VPS8: variants seen among roughly 807,000 people sequenced by gnomAD.
VPS8 encodes the protein vacuolar protein sorting-associated protein 8 homolog.
Under a neutral mutation model 216.4 loss-of-function variants are expected in VPS8, and 129 were observed. The observed-to-expected ratio is 0.60, with a 90% confidence interval of 0.52 to 0.69. The LOEUF (loss-of-function observed/expected upper bound fraction) is 0.69, where lower values mean the gene tolerates loss of function less well. VPS8 is among the 30% of genes least tolerant of loss of function. The probability of loss-of-function intolerance (pLI) is 0.00; values close to 1 mark genes in which losing one functional copy is unlikely to be tolerated. For synonymous variants in VPS8, 571 were observed against 565.4 expected (o/e 1.01, Z -0.14); for missense variants, 1,531 against 1,683.5 (o/e 0.91, Z 1.59).
Position 184,885,945 on chromosome 3 carries a change from T to C in VPS8, c.1735-165T>C, listed in dbSNP as rs1370163811. 9.8e-6 allele frequency: 6 copies of C among 609,554 alleles called. No homozygotes were observed. The East Asian group carries it at 1.1e-4, about 12-fold the overall frequency. 37.8% of individuals were successfully genotyped at this position (609,554 alleles called of 1,614,324 possible). Reference sequence around the variant, plus strand: ...AAATAGAATTACTAGGTCAAAATGTTCTGTTTTTCAGACTTTGACACATAA... The same window carrying C: ...AAATAGAATTACTAGGTCAAAATGTCCTGTTTTTCAGACTTTGACACATAA... On this transcript the variant is annotated intron_variant, in intron 21 of 47. Transcript: ENST00000625842.
intron 13 of VPS8, among the ~76,000 whole-genome samples, chr3:184,855,087 A>T (rs1397483626): frequency 6.6e-6 from 1 of 152,106 alleles, no homozygotes; most frequent in Non-Finnish European, 1.5e-5. Context: ...CATTTGTTAG[A>T]TTAGCTTCAT....
rs1212007145 is a variant in VPS8 at position 184,894,772 on chromosome 3, G to A, written c.1851G>A (p.Glu617=). The A allele has an allele frequency of 1.2e-6, 2 of 1,609,640 alleles. No individual in the cohort carries two copies. Among genetic ancestry groups the A allele is most frequent in the South Asian group, 1.1e-5 (1 of 90,186 alleles). The change falls in exon 23 of 48, where the codon GAG becomes GAA. Residue 617 remains glutamate (E), a synonymous_variant. Coordinates refer to ENST00000625842, the MANE Select transcript of VPS8 (RefSeq NM_001009921.3). ...ENSVAKGVFL[E]CLEPYILSDK... ...CAGTGGCCAAAGGAGTATTTTTGGAGTGCCTTGAGCCATATATTTTAAGTG... is the reference window on the plus strand; with the variant it reads ...CAGTGGCCAAAGGAGTATTTTTGGAATGCCTTGAGCCATATATTTTAAGTG...
intron 5 of VPS8, among the ~76,000 whole-genome samples, chr3:184,837,573 C>CT (rs1721342939): frequency 6.6e-6 from 1 of 152,212 alleles, no homozygotes; most frequent in African/African-American, 2.4e-5. Context: ...ATAGATGCTG[C>CT]TATCCAGAGC....
chr3:184,819,430 T>C (rs889765194), intron 1 of VPS8, among the ~76,000 whole-genome samples: 1 of 152,200 alleles, frequency 6.6e-6, no homozygotes. Context: ...GAAGAACTAG[T>C]TGTAGAATTG....
In VPS8 at chr3:184,868,974, G is replaced by A. The variant is rs749363630; in HGVS notation, c.1535G>A (p.Cys512Tyr). 1 of 1,610,444 alleles carries A rather than the reference G, an allele frequency of 6.2e-7. No individual in the cohort carries two copies. The highest frequency in any genetic ancestry group is 8.5e-7 in the Non-Finnish European group (1 of 1,178,508). The change falls in exon 19 of 48, where the codon TGT becomes TAT. Residue 512 changes from cysteine (C) to tyrosine (Y), a missense_variant. Transcript: ENST00000625842. Reference sequence around the variant, plus strand: ...GTGGATCATCTCCTGAAACAAGATTGTCTTACAGAAGCGTTGGCTCTTGCG... The same window carrying A: ...GTGGATCATCTCCTGAAACAAGATTATCTTACAGAAGCGTTGGCTCTTGCG... ...ERVDHLLKQD[C>Y]LTEALALAWS...
chr3:185,000,992 T>C (rs1347915235), intron 45 of VPS8, among the ~76,000 whole-genome samples: 1 of 152,212 alleles, frequency 6.6e-6, no homozygotes, highest in Non-Finnish European at 1.5e-5. Context: ...GATAACAATG[T>C]AGAACTTCTA....
At chr3:184,917,278 T>C (rs1023238286) in intron 28 of VPS8, among the ~76,000 whole-genome samples, 6 of 152,158 alleles carry the variant, frequency 3.9e-5, no homozygotes, top group African/African-American at 1.4e-4. Context: ...ATTCAAGTAA[T>C]TGAAAAAAAT....
At chr3:185,035,299 C>T (rs925529332) in intron 46 of VPS8, among the ~76,000 whole-genome samples, 3 of 152,056 alleles carry the variant, frequency 2.0e-5, no homozygotes, top group Non-Finnish European at 4.4e-5. Context: ...GGCAGAGACA[C>T]GATGTAGAAA....
intron 21 of VPS8, among the ~76,000 whole-genome samples, chr3:184,873,498 C>T (rs544727456): frequency 6.6e-6 from 1 of 152,070 alleles, no homozygotes; most frequent in Admixed American, 6.6e-5. Flanking sequence ...AAGGTGGCTA[C>T]TGTTACTATT....
intron 46 of VPS8, among the ~76,000 whole-genome samples, chr3:185,047,795 G>A (rs1417498521): frequency 2.0e-5 from 3 of 152,124 alleles, no homozygotes; most frequent in Non-Finnish European, 4.4e-5. Flanking sequence ...TACATAGCAG[G>A]TTACTGTCAG....
chr3:184,967,422 G>A (rs979391743), intron 39 of VPS8, among the ~76,000 whole-genome samples: 2 of 152,070 alleles, frequency 1.3e-5, no homozygotes, highest in Non-Finnish European at 2.9e-5. Context: ...TTTCCAAACC[G>A]AATTTATACA....
rs1460724018 is a variant in VPS8 at position 184,929,555 on chromosome 3, T to C, written c.2715-25T>C. ...TCAAAAACCTCCCTGTTTGGTACAC[T>C]GAAGTTTTTCCCTTTACATTCTAGC... is the stretch of plus-strand genomic sequence containing the variant. On this transcript the variant is annotated intron_variant, in intron 32 of 47. Transcript: ENST00000625842. 3.7e-6 allele frequency: 5 copies of C among 1,364,934 alleles called. No individual in the cohort carries two copies. The South Asian group carries it at 6.4e-5, about 17-fold the overall frequency. The allele number at this position is 1,364,934 out of a possible 1,614,324, so 84.6% of individuals were successfully genotyped here. A position where few individuals can be genotyped will look rare whatever the true frequency, so the allele number is the denominator to read the frequency against.
intron 20 of VPS8, 108 bp from the exon 21 acceptor site, chr3:184,870,608 A>T: frequency 1.1e-6 from 1 of 913,684 alleles, no homozygotes; most frequent in Non-Finnish European, 1.6e-6. Context: ...ATTTTCAGTT[A>T]AATTTTAATA....
At chr3:185,016,451 G>A (rs547033563) in intron 45 of VPS8, among the ~76,000 whole-genome samples, 1 of 152,230 alleles carries the variant, frequency 6.6e-6, no homozygotes, top group South Asian at 2.1e-4. Flanking sequence ...TCCTACATAC[G>A]TCTGGCAAAT....
At chr3:184,921,432 CT>C (rs1169068795) in intron 29 of VPS8, among the ~76,000 whole-genome samples, 1 of 152,190 alleles carries the variant, frequency 6.6e-6, no homozygotes, top group Non-Finnish European at 1.5e-5. Context: ...GTTCCCTCTC[CT>C]TAAGGAAACT....
chr3:184,996,009 G>C (rs190799444), intron 43 of VPS8, among the ~76,000 whole-genome samples: 13 of 152,146 alleles, frequency 8.5e-5, no homozygotes, highest in Admixed American at 4.6e-4. Flanking sequence ...AATATATTTG[G>C]GCTTATCTAG....
At chr3:184,869,647 A>G in intron 20 of VPS8, 119 bp downstream of exon 20, 2 of 652,806 alleles carry the variant, frequency 3.1e-6, no homozygotes, top group Non-Finnish European at 4.8e-6. Flanking sequence ...GTATTAAAAA[A>G]CACACACACA....
intron 5 of VPS8, among the ~76,000 whole-genome samples, chr3:184,838,250 T>G (rs1407169046): frequency 6.6e-6 from 1 of 152,220 alleles, no homozygotes; most frequent in Admixed American, 6.5e-5. Flanking sequence ...GAGAACTGAT[T>G]TAATATACCC....
At chr3:184,873,438 G>A (rs1264448119) in intron 21 of VPS8, among the ~76,000 whole-genome samples, 1 of 152,058 alleles carries the variant, frequency 6.6e-6, no homozygotes, top group African/African-American at 2.4e-5. Context: ...CACTGTTACA[G>A]ACCCTTTATG....
Sources: gnomAD v4.1 joint callset for allele counts (sites outside exome capture counted in the v4.1 genomes callset) on GRCh38, gnomAD v4.1.1 for gene constraint, MANE v1.5 for transcripts, NCBI Gene and HGNC (gene_info 2026-07-23, HGNC 2026-07-21) for gene names.